The following TUBD1 variants were observed in gnomAD, a reference collection of about 807,000 sequenced individuals.
The protein encoded by TUBD1 is tubulin delta 1.
TUBD1 carries 38 observed loss-of-function variants against 51.2 expected under a neutral mutation model. That is an observed-to-expected ratio of 0.74 (90% CI 0.57 to 0.97). The LOEUF (loss-of-function observed/expected upper bound fraction) is 0.97, where lower values mean the gene tolerates loss of function less well. Among genes scored for constraint, TUBD1 ranks in the 50% least tolerant of loss-of-function variants. TUBD1 has a pLI of 0.00. For synonymous variants in TUBD1, 169 were observed against 178.2 expected (o/e 0.95, Z 0.41); for missense variants, 489 against 538.4 (o/e 0.91, Z 0.91).
chr17:59,872,247 G>A (rs976656290), intron 6 of TUBD1, among the ~76,000 whole-genome samples: 4 of 151,882 alleles, frequency 2.6e-5, no homozygotes, highest in East Asian at 1.9e-4. Context: ...CCACCCTGCC[G>A]GGCCAGCTAA....
intron 6 of TUBD1, among the ~76,000 whole-genome samples, chr17:59,870,020 A>C (rs2039904614): frequency 6.6e-6 from 1 of 152,048 alleles, no homozygotes; most frequent in Admixed American, 6.6e-5. Context: ...AAAAGCTAAA[A>C]ATTTTGCCCA....
At chr17:59,887,870 A>C (rs969685220) in intron 2 of TUBD1, among the ~76,000 whole-genome samples, 17 of 151,642 alleles carry the variant, frequency 1.1e-4, no homozygotes, top group Non-Finnish European at 2.4e-4. Context: ...GGCCTCAAGC[A>C]ATCCTCCCAC....
chr17:59,890,613 A>G (rs1284312205), intron 2 of TUBD1, among the ~76,000 whole-genome samples: 1 of 152,214 alleles, frequency 6.6e-6, no homozygotes, highest in Non-Finnish European at 1.5e-5. Context: ...TCAATAGATG[A>G]GTTTTGTTTG....
intron 8 of TUBD1, among the ~76,000 whole-genome samples, chr17:59,862,845 C>T (rs1438625183): frequency 1.3e-5 from 2 of 150,848 alleles, no homozygotes; most frequent in African/African-American, 4.9e-5. Context: ...CTGCCTCAGC[C>T]TCCCGAGTAG....
intron 8 of TUBD1, among the ~76,000 whole-genome samples, chr17:59,860,880 C>G (rs567378430): frequency 6.6e-6 from 1 of 152,124 alleles, no homozygotes; most frequent in African/African-American, 2.4e-5. Context: ...AGCCACCACG[C>G]CCAGCCTGAA....
At chr17:59,862,871 C>T (rs1246086520) in intron 8 of TUBD1, among the ~76,000 whole-genome samples, 1 of 151,676 alleles carries the variant, frequency 6.6e-6, no homozygotes, top group African/African-American at 2.4e-5. Context: ...ACTACAGGCG[C>T]CCGCTACCAC....
chr17:59,861,917 T>C (rs563787760), intron 8 of TUBD1, among the ~76,000 whole-genome samples: 235 of 151,156 alleles, frequency 1.6e-3, no homozygotes, highest in African/African-American at 5.2e-3. Flanking sequence ...TCGCCCACCT[T>C]GGCCTCCCAA....
chr17:59,885,385 A>G (rs1324326525), intron 3 of TUBD1: 1 of 876,080 alleles, frequency 1.1e-6, no homozygotes, highest in Non-Finnish European at 1.9e-6. Context: ...TGTCATGTGT[A>G]TGCAGCTGTT....
At chr17:59,892,331 C>G (rs2041137092) in intron 1 of TUBD1, among the ~76,000 whole-genome samples, 2 of 152,172 alleles carry the variant, frequency 1.3e-5, no homozygotes, top group African/African-American at 4.8e-5. Context: ...CACCTGAGCC[C>G]AGGGATTCCA....
intron 5 of TUBD1, among the ~76,000 whole-genome samples, chr17:59,875,849 T>C (rs2040201331): frequency 6.6e-6 from 1 of 152,104 alleles, no homozygotes; most frequent in Non-Finnish European, 1.5e-5. Flanking sequence ...GTATTTACAA[T>C]GAAATAGAAT....
At chr17:59,865,332 G>C (rs916783443) in intron 7 of TUBD1, among the ~76,000 whole-genome samples, 1 of 151,852 alleles carries the variant, frequency 6.6e-6, no homozygotes, top group African/African-American at 2.4e-5. Flanking sequence ...CGAGGCAGGT[G>C]GATCACTTGA....
Position 59,890,987 on chromosome 17 carries a change from C to G in TUBD1, c.16G>C (p.Val6Leu), listed in dbSNP as rs1191281942. Residue 6 changes from valine to leucine, a missense_variant, in exon 2 of 9, where the codon GTG becomes CTG. By Grantham distance (32) the Val-to-Leu change is conservative (BLOSUM62 1). Coordinates refer to ENST00000325752, the MANE Select transcript of TUBD1 (RefSeq NM_016261.4). MSIVT[V>L]QLGQCGNQIG... ...TGATTGCCACACTGACCAAGTTGCACTGTTACAATTGACATGCTGAGCCAC... is the reference window on the plus strand; with the variant it reads ...TGATTGCCACACTGACCAAGTTGCAGTGTTACAATTGACATGCTGAGCCAC... 1.2e-6 allele frequency: 2 copies of G among 1,611,484 alleles called. No homozygotes were observed. Among genetic ancestry groups the G allele is most frequent in the Non-Finnish European group, 1.7e-6 (2 of 1,179,372 alleles).
rs1196595269 is a variant in TUBD1, at chr17:59,890,696, T to C, written c.172+135A>G. On this transcript the variant is annotated intron_variant, in intron 2 of 8. Transcript: ENST00000325752. ...ACTGGAAAAGCAAAGATTATTAACA[T>C]AGAAATGAAAAGCAAAAACAAAGTA... The C allele has an allele frequency of 1.1e-5, 8 of 729,256 alleles. No homozygotes were observed. In the Admixed American group the frequency reaches 1.2e-4, roughly 11 times the overall value. 45.2% of individuals were successfully genotyped at this position (729,256 alleles called of 1,614,324 possible).
intron 6 of TUBD1, among the ~76,000 whole-genome samples, chr17:59,869,605 C>T (rs543037828): frequency 6.6e-6 from 1 of 152,216 alleles, no homozygotes; most frequent in African/African-American, 2.4e-5. Flanking sequence ...CTCTAAGGAA[C>T]ATTGTGTTCC....
chr17:59,875,279 G>A (rs2040177025), intron 5 of TUBD1, among the ~76,000 whole-genome samples: 1 of 151,176 alleles, frequency 6.6e-6, no homozygotes, highest in African/African-American at 2.4e-5. Flanking sequence ...GTTTCACCAT[G>A]GTGGCCAGGA....
At chr17:59,875,208 C>A (rs1215232545) in intron 5 of TUBD1, among the ~76,000 whole-genome samples, 1 of 149,166 alleles carries the variant, frequency 6.7e-6, no homozygotes, top group African/African-American at 2.5e-5. Flanking sequence ...TCCTGAGTAG[C>A]TGAGACTACA....
intron 4 of TUBD1, 148 bp from the exon 5 acceptor site, chr17:59,878,482 C>A: frequency 3.5e-6 from 2 of 569,478 alleles, no homozygotes; most frequent in East Asian, 2.9e-5. Flanking sequence ...TCTCTATGCT[C>A]AGTTTCCTTT....
At chr17:59,885,061 G>C in intron 3 of TUBD1, 1 of 352,814 alleles carries the variant, frequency 2.8e-6, no homozygotes, top group Non-Finnish European at 5.4e-6. Context: ...TGGATGCAAA[G>C]GGCATCCCAG....
intron 8 of TUBD1, among the ~76,000 whole-genome samples, chr17:59,862,180 C>T (rs954526432): frequency 3.3e-5 from 5 of 151,036 alleles, no homozygotes; most frequent in Non-Finnish European, 7.4e-5. Context: ...AAAATTAGCT[C>T]GGTGTAGTGG....
Sources: gnomAD v4.1 joint callset for allele counts (sites outside exome capture counted in the v4.1 genomes callset) on GRCh38, gnomAD v4.1.1 for gene constraint, MANE v1.5 for transcripts, NCBI Gene and HGNC (gene_info 2026-07-23, HGNC 2026-07-21) for gene names.